The following TENM1 variants were observed in gnomAD, a reference collection of about 807,000 sequenced individuals.
The protein encoded by TENM1 is teneurin-1.
TENM1 carries 35 observed loss-of-function variants against 174.8 expected under a neutral mutation model. The observed-to-expected ratio is 0.20, with a 90% CI of 0.15 to 0.27. The LOEUF (loss-of-function observed/expected upper bound fraction) is 0.27, where lower values mean the gene tolerates loss of function less well. Among genes scored for constraint, TENM1 ranks in the 10% least tolerant of loss-of-function variants. The probability of loss-of-function intolerance (pLI) is 1.00; values close to 1 mark genes in which losing one functional copy is unlikely to be tolerated. For synonymous variants in TENM1, 781 were observed against 798.7 expected (o/e 0.98, Z 0.37); for missense variants, 1,633 against 2,130.1 (o/e 0.77, Z 4.59).
chrX:124,433,844 T>C (rs1352293497), intron 23 of TENM1, among the ~76,000 whole-genome samples: 1 of 111,940 alleles, frequency 8.9e-6, no homozygotes, highest in Non-Finnish European at 1.9e-5. Context: ...CTTTAACTTT[T>C]CTGAAGTGAA....
At chrX:124,751,662 T>A (rs4388590) in intron 3 of TENM1, among the ~76,000 whole-genome samples, 1 of 76,102 alleles carries the variant, frequency 1.3e-5, no homozygotes, top group Non-Finnish European at 2.5e-5. Context: ...CCACAACAGT[T>A]CCCAGAGTGT....
At chrX:124,892,295 TTC>T (rs1025880491) in intron 3 of TENM1, among the ~76,000 whole-genome samples, 1 of 111,743 alleles carries the variant, frequency 8.9e-6, no homozygotes, top group African/African-American at 3.3e-5. Context: ...CCAGATCCCC[TTC>T]TGTCACCTGA....
At chrX:124,746,700 A>C (rs2053927622) in intron 3 of TENM1, among the ~76,000 whole-genome samples, 1 of 111,868 alleles carries the variant, frequency 8.9e-6, no homozygotes, top group Non-Finnish European at 1.9e-5. Flanking sequence ...GTAGCCTCAA[A>C]CTATGTGTAG....
chrX:124,750,206 GTAAGGCTACACAGATGT>G (rs1309247526), intron 3 of TENM1, among the ~76,000 whole-genome samples: 9 of 111,608 alleles, frequency 8.1e-5, no homozygotes, highest in African/African-American at 2.9e-4. Flanking sequence ...ATGGGGAGAG[GTAAGGCTACACAGATGT>G]TAAGGCCTCT....
upstream of TENM1, chrX:124,963,867 G>T: frequency 1.6e-6 from 1 of 607,794 alleles, no homozygotes; most frequent in Non-Finnish European, 2.6e-6. Flanking sequence ...ATCTTTTTGT[G>T]AGGAAATGCA....
At chrX:124,591,349 T>A (rs1158135373) in intron 11 of TENM1, among the ~76,000 whole-genome samples, 2 of 111,819 alleles carry the variant, frequency 1.8e-5, no homozygotes, top group East Asian at 5.6e-4. Context: ...CTGGAGGGTG[T>A]TTGTGTGGCA....
chrX:125,151,246 T>C, the TENM1 span, among the ~76,000 whole-genome samples: 1,733 of 112,426 alleles, frequency 0.015, 34 homozygotes, highest in African/African-American at 0.053. Flanking sequence ...TACTCCCAAA[T>C]ATTAAAATAA....
At chrX:124,664,058 C>T (rs1184418982) in intron 6 of TENM1, among the ~76,000 whole-genome samples, 1 of 111,692 alleles carries the variant, frequency 9.0e-6, no homozygotes, top group Non-Finnish European at 1.9e-5. Context: ...TTATAGGAAA[C>T]ATTTACTGTA....
At chrX:124,943,149 A>C (rs1248603009) in intron 1 of TENM1, among the ~76,000 whole-genome samples, 1 of 111,777 alleles carries the variant, frequency 8.9e-6, no homozygotes, top group South Asian at 3.7e-4. Context: ...GGCGGTTAAA[A>C]GAAGACCTGA....
chrX:124,449,191 C>CA (rs1173907537), intron 23 of TENM1, among the ~76,000 whole-genome samples: 1 of 111,351 alleles, frequency 9.0e-6, no homozygotes, highest in African/African-American at 3.3e-5. Context: ...CCCCTGCCTC[C>CA]AAAAAAATCT....
intron 20 of TENM1, among the ~76,000 whole-genome samples, chrX:124,495,767 T>G (rs2047185247): frequency 9.8e-6 from 1 of 101,634 alleles, no homozygotes. Flanking sequence ...GTAGGAAGAA[T>G]CAATATCGTG....
the TENM1 span, among the ~76,000 whole-genome samples, chrX:124,993,823 CACACACACAAAT>C: frequency 9.0e-6 from 1 of 110,725 alleles, no homozygotes; most frequent in African/African-American, 3.3e-5. Context: ...TGCACACACA[CACACACACAAAT>C]ACACACACAC....
intron 23 of TENM1, among the ~76,000 whole-genome samples, chrX:124,434,867 G>A (rs1020422852): frequency 6.0e-4 from 67 of 112,107 alleles, no homozygotes; most frequent in African/African-American, 2.1e-3. Context: ...TTATCATTAC[G>A]CTAAAGAACT....
chrX:124,482,592 G>A (rs2046868986), intron 21 of TENM1, among the ~76,000 whole-genome samples: 1 of 111,598 alleles, frequency 9.0e-6, no homozygotes, highest in South Asian at 3.8e-4. Context: ...GGACATAATG[G>A]AACTGGTTAT....
At chrX:124,881,996 T>C (rs2057312907) in intron 3 of TENM1, among the ~76,000 whole-genome samples, 1 of 112,468 alleles carries the variant, frequency 8.9e-6, no homozygotes, top group Non-Finnish European at 1.9e-5. Context: ...CCCGAAGTGC[T>C]GGGATTACAG....
the TENM1 span, among the ~76,000 whole-genome samples, chrX:125,055,242 C>G: frequency 9.0e-6 from 1 of 111,501 alleles, no homozygotes; most frequent in Non-Finnish European, 1.9e-5. Flanking sequence ...GTTTTACAGA[C>G]AGAAAACTGA....
chrX:124,940,677 C>T lies in TENM1; in HGVS notation c.217+22860G>A, dbSNP rs756146651. On this transcript the variant is annotated intron_variant, in intron 1 of 31. Transcript: ENST00000422452. ...AATGTTTCTTACTCTACTCACAGCC[C>T]TCTCTCCCTGAATCTTGGCAGACGA... Among the ~76,000 whole-genome samples the T allele has an allele frequency of 2.7e-5, 3 of 111,024 alleles. No homozygotes were observed. In the South Asian group the frequency reaches 1.2e-3, roughly 43 times the overall value.
At chrX:124,735,748 C>T (rs2053655924) in intron 4 of TENM1, among the ~76,000 whole-genome samples, 1 of 111,573 alleles carries the variant, frequency 9.0e-6, no homozygotes, top group African/African-American at 3.3e-5. Context: ...TAGAGTACCA[C>T]AGAGCCTTAA....
At chrX:124,408,138 TA>T (rs2060484368) in intron 25 of TENM1, among the ~76,000 whole-genome samples, 1 of 109,874 alleles carries the variant, frequency 9.1e-6, no homozygotes, top group Non-Finnish European at 1.9e-5. Context: ...CAGCCTTTTT[TA>T]AAAAAAATTA....
Sources: allele counts gnomAD v4.1 joint callset (sites outside exome capture counted in the v4.1 genomes callset), GRCh38; gene constraint gnomAD v4.1.1; transcripts MANE v1.5; gene names NCBI Gene and HGNC (gene_info 2026-07-23, HGNC 2026-07-21).